The following GAPDHS variants were observed in gnomAD, a reference collection of about 807,000 sequenced individuals.
GAPDHS encodes the protein glyceraldehyde-3-phosphate dehydrogenase, spermatogenic, also known as glyceraldehyde-3-phosphate dehydrogenase, testis-specific.
GAPDHS carries 42 observed loss-of-function variants against 48.7 expected under a neutral mutation model. The observed-to-expected ratio is 0.86, with a 90% CI of 0.67 to 1.12. The LOEUF (loss-of-function observed/expected upper bound fraction) is 1.12, where lower values mean the gene tolerates loss of function less well. GAPDHS is among the 50% of genes most tolerant of loss of function. The pLI, the probability that GAPDHS is intolerant of heterozygous loss-of-function variation, is 0.00. For missense variants in GAPDHS, 512 were observed against 557.7 expected, an observed-to-expected ratio of 0.92 and a Z score of 0.82; for synonymous variants, 166 against 219.1, an observed-to-expected ratio of 0.76 and a Z score of 2.14.
chr19:35,540,262 T>C (rs2071492776), intron 4 of GAPDHS, among the ~76,000 whole-genome samples: 1 of 152,266 alleles, frequency 6.6e-6, no homozygotes, highest in African/African-American at 2.4e-5. Context: ...ACTGTTGCTC[T>C]GGCATTAGCA....
chr19:35,537,405 C>G (rs1022684606), intron 2 of GAPDHS, among the ~76,000 whole-genome samples: 1 of 152,040 alleles, frequency 6.6e-6, no homozygotes, highest in Non-Finnish European at 1.5e-5. Flanking sequence ...GGGGCAGAGG[C>G]GAGCTCAGTA....
chr19:35,539,604 C>A (rs1848569644), intron 4 of GAPDHS, among the ~76,000 whole-genome samples: 2 of 151,996 alleles, frequency 1.3e-5, no homozygotes, highest in African/African-American at 4.8e-5. Context: ...TGAACCCTGT[C>A]TGGGCCCAGG....
chr19:35,536,646 C>T, intron 1 of GAPDHS, 167 bp from the exon 2 acceptor site: 2 of 562,556 alleles, frequency 3.6e-6, no homozygotes, highest in Admixed American at 5.9e-5. Context: ...TTGGGATTGA[C>T]ATTTTAAACA....
chr19:35,537,031 G>C (rs374609054), intron 2 of GAPDHS, 41 bp downstream of exon 2: 19 of 1,495,754 alleles, frequency 1.3e-5, no homozygotes, highest in Admixed American at 1.9e-5. Flanking sequence ...AAGCCTTAGA[G>C]CCCAGCCCCT....
Position 35,536,801 on chromosome 19 carries a change from T to C in GAPDHS, c.68-12T>C, listed in dbSNP as rs760003778. On this transcript the variant is annotated splice_polypyrimidine_tract_variant and intron_variant, in intron 1 of 10. Transcript: ENST00000222286. ...TGGTCATGCAACCCATTCCCTCCCT[T>C]CCCCCGCATAGTGACCAGAGCACCG... The C allele has an allele frequency of 2.9e-5, 46 of 1,581,020 alleles. No individual in the cohort carries two copies. In the African/African-American group the frequency reaches 6.0e-4, roughly 20 times the overall value.
At chr19:35,543,060 A>G in intron 7 of GAPDHS, 34 bp downstream of exon 7, 2 of 1,516,810 alleles carry the variant, frequency 1.3e-6, no homozygotes, top group South Asian at 2.2e-5. Flanking sequence ...GGCAGGAAGG[A>G]TGGCAGGGAA....
Position 35,543,817 on chromosome 19 carries a change from C to A in GAPDHS, c.1046C>A (p.Thr349Asn), listed in dbSNP as rs1209150722. ...CCCATGGCTGGCATCCTTGCCTACA[C>A]CGAGGATGAGGTAGGGGCTGAGGAG... ...KGPMAGILAY[T>N]EDEVVSTDFL... The change falls in exon 9 of 11, where the codon ACC becomes AAC. Residue 349 changes from threonine (T) to asparagine (N), a missense_variant. Physicochemically the swap from Thr to Asn is moderately conservative, Grantham distance 65 (BLOSUM62 0). Coordinates refer to ENST00000222286, the MANE Select transcript of GAPDHS (RefSeq NM_014364.5). The A allele has an allele frequency of 3.7e-6, 6 of 1,611,462 alleles. No homozygotes were observed. The highest frequency in any genetic ancestry group is 5.1e-6 in the Non-Finnish European group (6 of 1,178,972).
At chr19:35,543,125 G>C (rs2071516965) in intron 7 of GAPDHS, 99 bp downstream of exon 7, 1 of 1,075,826 alleles carries the variant, frequency 9.3e-7, no homozygotes, top group African/African-American at 1.6e-5. Context: ...GGAGAGACTG[G>C]TTTCGGGAGG....
chr19:35,534,379 T>A (rs1041999932), intron 1 of GAPDHS, among the ~76,000 whole-genome samples: 1 of 152,170 alleles, frequency 6.6e-6, no homozygotes, highest in Admixed American at 6.5e-5. Flanking sequence ...ACCAGCCTCA[T>A]GAGACTTGAA....
At chr19:35,534,929 C>T (rs868792619) in intron 1 of GAPDHS, among the ~76,000 whole-genome samples, 1 of 151,906 alleles carries the variant, frequency 6.6e-6, no homozygotes, top group South Asian at 2.1e-4. Flanking sequence ...CCCCTTCCAG[C>T]CCTTCTCCAC....
Position 35,542,991 on chromosome 19 carries a change from A to G in GAPDHS, c.706A>G (p.Ile236Val). 6.2e-7 allele frequency: 1 copy of G among 1,614,094 alleles called. No individual in the cohort carries two copies. The highest frequency in any genetic ancestry group is 1.3e-5 in the African/African-American group (1 of 75,070). Residue 236 changes from isoleucine to valine, a missense_variant, in exon 7 of 11, where the codon ATC (isoleucine) becomes GTC (valine). Physicochemically the swap from Ile to Val is conservative, Grantham distance 29 (BLOSUM62 3). Transcript: ENST00000222286. ...TNCLAPLAKV[I>V]HERFGIVEGL... The stretch of plus-strand genomic sequence containing the variant: ...CTGTTTGGCTCCCCTCGCCAAAGTC[A>G]TCCACGAGCGATTTGGGATCGTGGA...
chr19:35,543,073 C>G (rs760534853), intron 7 of GAPDHS, 47 bp downstream of exon 7: 1 of 1,406,442 alleles, frequency 7.1e-7, no homozygotes, highest in South Asian at 1.2e-5. Context: ...GCAGGGAAAC[C>G]CAACTTCTTC....
rs778347393 is a variant in GAPDHS at position 35,538,570 on chromosome 19, C to A, written c.343-7C>A. On this transcript the variant is annotated splice_polypyrimidine_tract_variant and splice_region_variant and intron_variant, in intron 3 of 10. Coordinates refer to ENST00000222286, the MANE Select transcript of GAPDHS (RefSeq NM_014364.5). ...CCCAAGACTAGGAGCCATTCCATCC[C>A]CCACAGGTGTACATGTTTAAGTATG... 6.4e-7 allele frequency: 1 copy of A among 1,562,762 alleles called. No individual in the cohort carries two copies. Among genetic ancestry groups the A allele is most frequent in the African/African-American group, 1.4e-5 (1 of 73,992 alleles).
At chr19:35,544,736 G>A in intron 9 of GAPDHS, 173 bp from the exon 10 acceptor site, 1 of 627,738 alleles carries the variant, frequency 1.6e-6, no homozygotes, top group South Asian at 1.8e-5. Context: ...ACAGTGCCTT[G>A]GTCATACCCT....
Position 35,542,347 on chromosome 19 carries a change from G to A in GAPDHS, c.478G>A (p.Ala160Thr), listed in dbSNP as rs1480188713. 6.2e-7 allele frequency: 1 copy of A among 1,612,744 alleles called. No homozygotes were observed. Among genetic ancestry groups the A allele is most frequent in the East Asian group, 2.2e-5 (1 of 44,864 alleles). ...AGAGCCCAAACAGATCCCCTGGAGG[G>A]CTGTCGGGAGCCCCTACGTGGTGGA... ...CKEPKQIPWR[A>T]VGSPYVVEST... Residue 160 changes from alanine (A) to threonine (T), a missense_variant, in exon 5 of 11, where the codon GCT becomes ACT. Physicochemically the swap from Ala to Thr is moderately conservative, Grantham distance 58 (BLOSUM62 0). Coordinates refer to ENST00000222286, the MANE Select transcript of GAPDHS (RefSeq NM_014364.5).
At chr19:35,542,663 C>A in intron 6 of GAPDHS, 55 bp downstream of exon 6, 1 of 1,188,956 alleles carries the variant, frequency 8.4e-7, no homozygotes, top group Non-Finnish European at 1.3e-6. Flanking sequence ...GACTCGTCCT[C>A]CCCACCCTCA....
intron 4 of GAPDHS, among the ~76,000 whole-genome samples, chr19:35,539,898 C>G (rs1650655006): frequency 6.6e-6 from 1 of 152,238 alleles, no homozygotes; most frequent in Non-Finnish European, 1.5e-5. Flanking sequence ...CCCCACCTAG[C>G]TGCCCCCTCC....
intron 2 of GAPDHS, 90 bp from the exon 3 acceptor site, chr19:35,538,217 T>G: frequency 1.2e-6 from 1 of 859,750 alleles, no homozygotes; most frequent in Non-Finnish European, 1.9e-6. Flanking sequence ...CTTCTTCCCC[T>G]GGATTAAGGA....
At chr19:35,542,284 G>C (rs1444243502) in intron 4 of GAPDHS, 35 bp from the exon 5 acceptor site, 1 of 1,421,932 alleles carries the variant, frequency 7.0e-7, no homozygotes, top group East Asian at 2.3e-5. Flanking sequence ...GGCTCAAGCA[G>C]GGGAGACTGA....
Sources: allele counts gnomAD v4.1 joint callset (sites outside exome capture counted in the v4.1 genomes callset), GRCh38; gene constraint gnomAD v4.1.1; transcripts MANE v1.5; gene names NCBI Gene and HGNC (gene_info 2026-07-23, HGNC 2026-07-21).